Variants in WDR17 observed in about 807,000 individuals in gnomAD.
The protein encoded by WDR17 is WD repeat domain 17, also known as WD repeat-containing protein 17.
Under a neutral mutation model 161.7 loss-of-function variants are expected in WDR17, and 143 were observed. The ratio of observed to expected loss-of-function variants is 0.88; its 90% CI spans 0.77 to 1.02. The LOEUF (loss-of-function observed/expected upper bound fraction) is 1.02, where lower values mean the gene tolerates loss of function less well. Among genes scored for constraint, WDR17 ranks in the 50% least tolerant of loss-of-function variants. The pLI is 0.00. For missense variants in WDR17, 1,469 were observed against 1,520.9 expected (o/e 0.97, Z 0.57); for synonymous variants, 517 against 515.6 (o/e 1.00, Z -0.04).
Position 176,181,006 on chromosome 4 carries a change from A to G in WDR17, c.*1427A>G, listed in dbSNP as rs1165176767. The G allele has an allele frequency of 6.6e-6, 1 of 152,174 alleles. No homozygotes were observed. Among genetic ancestry groups the G allele is most frequent in the Non-Finnish European group, 1.5e-5 (1 of 68,028 alleles). 9.4% of individuals were successfully genotyped at this position (152,174 alleles called of 1,614,324 possible). ...TTTTGTTTGACTAAAGAATAATCTC[A>G]TATAACTAGAATACTTGTGGCTTTT... On this transcript the variant is annotated 3_prime_UTR_variant, in exon 29 of 29. Transcript: ENST00000508596.
chr4:176,149,495 C>T (rs1318958193), intron 13 of WDR17, among the ~76,000 whole-genome samples: 1 of 152,128 alleles, frequency 6.6e-6, no homozygotes, highest in Non-Finnish European at 1.5e-5. Context: ...ATCTCAAACT[C>T]CTGGGCTCAA....
chr4:176,134,069 G>A (rs142305269), intron 7 of WDR17, among the ~76,000 whole-genome samples: 2,591 of 151,846 alleles, frequency 0.017, 44 homozygotes, highest in Non-Finnish European at 0.023. Context: ...GACAGCTTCA[G>A]CCAGGTGAAC....
At chr4:176,163,013 TA>T in intron 21 of WDR17, 140 bp from the exon 22 acceptor site, 1 of 1,093,852 alleles carries the variant, frequency 9.1e-7, no homozygotes, top group Non-Finnish European at 1.3e-6. Flanking sequence ...AGCTACTTTA[TA>T]GGAATATTAC....
Position 176,148,284 on chromosome 4 carries a change from C to G in WDR17, c.1846C>G (p.Arg616Gly), listed in dbSNP as rs754726313. ...CTATACTATAAAAGTATGGGACACT[C>G]GAGAAGGAACTTGTGTGGATACTGT... Reference protein sequence around the residue: ...WDYTIKVWDTREGTCVDTVYD... With the variant: ...WDYTIKVWDTGEGTCVDTVYD... The change falls in exon 13 of 29, where the codon CGA (arginine) becomes GGA (glycine). Residue 616 changes from arginine (R) to glycine (G), a missense_variant. Physicochemically the swap from Arg to Gly is moderately radical, Grantham distance 125. Transcript: ENST00000508596. 6.2e-7 allele frequency: 1 copy of G among 1,613,740 alleles called. No homozygotes were observed. Among genetic ancestry groups the G allele is most frequent in the Non-Finnish European group, 8.5e-7 (1 of 1,179,924 alleles).
At chr4:176,093,863 AT>A (rs1561086662) in intron 1 of WDR17, among the ~76,000 whole-genome samples, 2 of 152,228 alleles carry the variant, frequency 1.3e-5, no homozygotes, top group African/African-American at 4.8e-5. Context: ...AGTATTTTTT[AT>A]GCAAGATAAC....
rs34844679 is a variant in WDR17 at position 176,179,586 on chromosome 4, AT to A, written c.*12del. ...ACGACTCAATCCATTCTGATAGAAG[AT>A]TTTTGTCCATGCTTGATTTTTTTTT... On this transcript the variant is annotated 3_prime_UTR_variant, in exon 29 of 29. Transcript: ENST00000508596. 2 of 1,538,012 alleles carry A rather than the reference AT, an allele frequency of 1.3e-6. No individual in the cohort carries two copies. Among genetic ancestry groups the A allele is most frequent in the South Asian group, 1.3e-5 (1 of 77,422 alleles).
intron 18 of WDR17, among the ~76,000 whole-genome samples, chr4:176,157,145 T>C (rs1321530348): frequency 6.6e-6 from 1 of 152,222 alleles, no homozygotes; most frequent in African/African-American, 2.4e-5. Flanking sequence ...TTCTCTGTTC[T>C]ATTTTATTCT....
In WDR17 at chr4:176,177,985, CAAAAAAAAAAAAAAAAAAAAAAAAAAA is replaced by C. The variant is rs869298899; in HGVS notation, c.3732+351_3732+377del. Among the ~76,000 whole-genome samples the C allele has an allele frequency of 1.6e-3, 73 of 46,298 alleles. 1 individual carries two copies. The highest frequency in any genetic ancestry group is 4.8e-3 in the Admixed American group (14 of 2,918). The allele number at this position is 46,298 out of a possible 152,430, so 30.4% of individuals were successfully genotyped here. A position where few individuals can be genotyped will look rare whatever the true frequency, so the allele number is the denominator to read the frequency against. On this transcript the variant is annotated intron_variant, in intron 28 of 28. Transcript: ENST00000508596. The stretch of plus-strand genomic sequence containing the variant: ...GGGCAACAAGAGTGAAACTCCGTCT[CAAAAAAAAAAAAAAAAAAAAAAAAAAA>C]AAAAAAAAAAAAAAAAAAAGATCCC...
In WDR17 at chr4:176,125,281, A is replaced by C. The variant is rs768968677; in HGVS notation, c.716A>C (p.Asn239Thr). 5.1e-5 allele frequency: 82 copies of C among 1,613,982 alleles called. No individual in the cohort carries two copies. Among genetic ancestry groups the C allele is most frequent in the Middle Eastern group, 1.6e-4 (1 of 6,084 alleles). Residue 239 changes from asparagine to threonine, a missense_variant, in exon 5 of 29, where the codon AAT becomes ACT. Coordinates refer to ENST00000508596, the MANE Select transcript of WDR17 (RefSeq NM_181265.4). ...TCACTTTCTTGCATAACAACATTTA[A>C]TCTTCCCAGTGCAGCAGCTTCTGTA... ...SESLSCITTF[N>T]LPSAAASVQC... is the part of the protein sequence containing the mutation.
At position 176,174,662 on chromosome 4, in the gene WDR17, A is replaced by G. The variant is rs765732114; in HGVS notation, c.3393A>G (p.Leu1131=). 20 of 1,612,464 alleles carry G rather than the reference A, an allele frequency of 1.2e-5. 1 individual carries two copies. The highest frequency in any genetic ancestry group is 1.7e-5 in the Non-Finnish European group (20 of 1,179,048). The part of the protein sequence containing the change: ...LLILCGYIGA[L]LAIRRQYQSI... ...TATTATGTGGTTACATTGGTGCATT[A>G]CTGGCTATCAGAAGACAGTACCAAA... The change falls in exon 26 of 29, where the codon TTA becomes TTG. Residue 1131 remains leucine (L), a synonymous_variant. Transcript: ENST00000508596.
At chr4:176,140,933 A>G (rs1052711642) in intron 10 of WDR17, among the ~76,000 whole-genome samples, 4 of 152,202 alleles carry the variant, frequency 2.6e-5, no homozygotes, top group African/African-American at 9.6e-5. Context: ...AAGGCATTAT[A>G]TATTTGACAG....
chr4:176,135,237 G>C lies in WDR17; in HGVS notation c.1228G>C (p.Gly410Arg), dbSNP rs1274433270. The C allele has an allele frequency of 6.2e-7, 1 of 1,612,086 alleles. No individual in the cohort carries two copies. The highest frequency in any genetic ancestry group is 1.3e-5 in the African/African-American group (1 of 74,930). ...ATTAACAGCAGTGTACACATCCCCG[G>C]GTAATGAAGGTGTTATTTATTCCCT... ...NTLTAVYTSP[G>R]NEGVIYSLSW... Residue 410 changes from glycine (G) to arginine (R), a missense_variant, in exon 8 of 29, where the codon GGT (glycine) becomes CGT (arginine). By Grantham distance (125) the Gly-to-Arg change is moderately radical. Coordinates refer to ENST00000508596, the MANE Select transcript of WDR17 (RefSeq NM_181265.4).
intron 6 of WDR17, among the ~76,000 whole-genome samples, chr4:176,129,320 G>A (rs746965137): frequency 1.3e-5 from 2 of 151,986 alleles, no homozygotes. Flanking sequence ...AATACCAGTT[G>A]TCACTAAGTT....
rs1010888532 is a variant in WDR17 at position 176,100,130 on chromosome 4, T to C, written c.-6-11445T>C. Among the ~76,000 whole-genome samples the C allele has an allele frequency of 2.6e-5, 4 of 152,140 alleles. No individual in the cohort carries two copies. The South Asian group carries it at 6.2e-4, about 24-fold the overall frequency. ...TAGGATTACTGGATCATATAATAGC[T>C]CTAATTTTAGTTATTTGTGAAATCT... On this transcript the variant is annotated intron_variant, in intron 1 of 28. Transcript: ENST00000508596.
At chr4:176,090,991 G>A (rs147721531) in intron 1 of WDR17, among the ~76,000 whole-genome samples, 6,473 of 152,222 alleles carry the variant, frequency 0.043, 440 homozygotes, top group African/African-American at 0.15. Flanking sequence ...TTCCACCCTG[G>A]GTGGGCCAGG....
chr4:176,111,808 TC>T (rs1739800005), intron 2 of WDR17, 105 bp downstream of exon 2: 6 of 1,051,488 alleles, frequency 5.7e-6, no homozygotes, highest in Non-Finnish European at 7.4e-6. Flanking sequence ...ATGCTATAAT[TC>T]CATTTATATT....
At chr4:176,088,901 C>T (rs146890026) in intron 1 of WDR17, among the ~76,000 whole-genome samples, 262 of 152,034 alleles carry the variant, frequency 1.7e-3, no homozygotes, top group African/African-American at 6.1e-3. Flanking sequence ...GTACTATATC[C>T]CAGAGATAGA....
chr4:176,152,595 CAAAAAAA>C (rs34451055), intron 17 of WDR17, among the ~76,000 whole-genome samples: 3 of 37,240 alleles, frequency 8.1e-5, no homozygotes, highest in African/African-American at 1.1e-4. Flanking sequence ...AACTCCATCT[CAAAAAAA>C]AAAAAAAAAA....
At chr4:176,083,191 A>G (rs969128503) in intron 1 of WDR17, among the ~76,000 whole-genome samples, 5 of 150,402 alleles carry the variant, frequency 3.3e-5, no homozygotes, top group Non-Finnish European at 7.4e-5. Context: ...TAATGTTTAG[A>G]CTAGAACAAT....
Sources: allele counts gnomAD v4.1 joint callset (sites outside exome capture counted in the v4.1 genomes callset), GRCh38; gene constraint gnomAD v4.1.1; transcripts MANE v1.5; gene names NCBI Gene and HGNC (gene_info 2026-07-23, HGNC 2026-07-21).